CACNG7: variants seen among roughly 807,000 people sequenced by gnomAD.
CACNG7 encodes the protein voltage-dependent calcium channel gamma-7 subunit.
Under a neutral mutation model 26.3 loss-of-function variants are expected in CACNG7, and 9 were observed. The ratio of observed to expected loss-of-function variants is 0.34; its 90% CI spans 0.21 to 0.60. The LOEUF (loss-of-function observed/expected upper bound fraction) is 0.60, where lower values mean the gene tolerates loss of function less well. Ranked by LOEUF, CACNG7 falls within the 20% of genes least tolerant of loss-of-function variation. The pLI is 0.81. For synonymous variants in CACNG7, 170 were observed against 157.0 expected (o/e 1.08, Z -0.62); for missense variants, 297 against 380.4 (o/e 0.78, Z 1.82).
chr19:53,925,075 T>C (rs1469546961), intron 4 of CACNG7, among the ~76,000 whole-genome samples: 5 of 101,938 alleles, frequency 4.9e-5, no homozygotes, highest in Admixed American at 8.9e-5. Context: ...ATTGGTGGAG[T>C]TGCCCCAGGT....
intron 4 of CACNG7, among the ~76,000 whole-genome samples, chr19:53,919,845 G>T (rs1215306954): frequency 7.3e-6 from 1 of 136,878 alleles, no homozygotes; most frequent in Non-Finnish European, 1.6e-5. Context: ...TGGTGGAGTT[G>T]CCCCAGGCTG....
chr19:53,921,683 G>C (rs1400975942), intron 4 of CACNG7, among the ~76,000 whole-genome samples: 2 of 115,894 alleles, frequency 1.7e-5, no homozygotes, highest in Non-Finnish European at 3.4e-5. Context: ...GTCATTGGTG[G>C]ACTTGCCCCA....
chr19:53,942,330 T>G lies in CACNG7; in HGVS notation c.*37T>G, dbSNP rs994189194. On this transcript the variant is annotated 3_prime_UTR_variant, in exon 6 of 6. Coordinates refer to ENST00000391767, the MANE Select transcript of CACNG7 (RefSeq NM_031896.5). The surrounding 1 kb of genome is among the most constrained non-coding windows in gnomAD (Gnocchi z 5.9). ...CGGAGCTCCCCCTGCCTCCTCCTCC[T>G]CCTCGTCTTAGGGGGGTCTCCCTGC... The G allele has an allele frequency of 1.6e-5, 24 of 1,483,236 alleles. No individual in the cohort carries two copies. Among genetic ancestry groups the G allele is most frequent in the Non-Finnish European group, 2.1e-5 (24 of 1,122,928 alleles). 91.9% of individuals were successfully genotyped at this position (1,483,236 alleles called of 1,614,324 possible). A position where few individuals can be genotyped will look rare whatever the true frequency, so the allele number is the denominator to read the frequency against.
intron 4 of CACNG7, among the ~76,000 whole-genome samples, chr19:53,919,909 T>C (rs1599972445): frequency 1.8e-5 from 2 of 114,182 alleles, no homozygotes; most frequent in Non-Finnish European, 3.5e-5. Context: ...CCCAGGCTGG[T>C]CATTGGTGGA....
At position 53,942,371 on chromosome 19, in the gene CACNG7, TC is replaced by T; in HGVS notation, c.*80del. 1 of 1,538,060 alleles carries T rather than the reference TC, an allele frequency of 6.5e-7. No individual in the cohort carries two copies. Among genetic ancestry groups the T allele is most frequent in the Non-Finnish European group, 8.7e-7 (1 of 1,143,222 alleles). On this transcript the variant is annotated 3_prime_UTR_variant, in exon 6 of 6. Transcript: ENST00000391767. The surrounding 1 kb of genome is among the most constrained non-coding windows in gnomAD (Gnocchi z 5.9). The stretch of plus-strand genomic sequence containing the variant: ...GTCTCCCTGCAATGCAGCGCCCCCT[TC>T]CGTCCTCGGGACTCCTCGCTCCCAC...
At chr19:53,921,050 GC>G (rs200130126) in intron 4 of CACNG7, among the ~76,000 whole-genome samples, 10 of 86,874 alleles carry the variant, frequency 1.2e-4, no homozygotes, top group Non-Finnish European at 1.9e-4. Context: ...GTTGCCCCAG[GC>G]CTGGTCATTG....
intron 4 of CACNG7, among the ~76,000 whole-genome samples, chr19:53,926,459 ACT>A (rs1438877199): frequency 1.3e-5 from 2 of 151,858 alleles, no homozygotes; most frequent in African/African-American, 4.8e-5. Context: ...GAAGCCTCAA[ACT>A]TTTTCTCTTC....
chr19:53,914,281 AAAAAAAG>A (rs1163345220), intron 2 of CACNG7, among the ~76,000 whole-genome samples: 1 of 137,946 alleles, frequency 7.2e-6, no homozygotes. Flanking sequence ...CTCAAAAAAA[AAAAAAAG>A]AAAAAAAGAA....
intron 4 of CACNG7, among the ~76,000 whole-genome samples, chr19:53,917,572 G>A (rs2068906653): frequency 6.6e-6 from 1 of 152,122 alleles, no homozygotes; most frequent in Non-Finnish European, 1.5e-5. Flanking sequence ...GGAAAGCAGG[G>A]TGCAACCTCC....
intron 2 of CACNG7, 96 bp downstream of exon 2, chr19:53,913,123 A>G: frequency 9.0e-7 from 1 of 1,109,432 alleles, no homozygotes; most frequent in Non-Finnish European, 1.3e-6. Context: ...CCAGAAATCC[A>G]GAAACGGATC....
chr19:53,913,176 G>T, intron 2 of CACNG7, 149 bp downstream of exon 2: 1 of 700,634 alleles, frequency 1.4e-6, no homozygotes, highest in East Asian at 2.8e-5. Flanking sequence ...TGGAGCCCCA[G>T]TGACTAGCCC....
intron 4 of CACNG7, among the ~76,000 whole-genome samples, chr19:53,920,827 G>C (rs1441379130): frequency 2.9e-3 from 191 of 65,676 alleles, no homozygotes; most frequent in African/African-American, 9.1e-3. Context: ...CATTGGTGGA[G>C]TTGTCCCCAG....
In CACNG7 at chr19:53,942,185, C is replaced by T. The variant is rs771425436; in HGVS notation, c.720C>T (p.Gly240=). Residue 240 remains glycine, a synonymous_variant, in exon 6 of 6, where the codon GGC becomes GGT. Transcript: ENST00000391767. This position sits in a 1 kb window ranked among gnomAD's most constrained non-coding sequence, Gnocchi z 5.9. ...TGCAGCCCGAGGCGTGGCGCCGCGG[C>T]CGGAGCCCCTCCGACATCTCCAGCG... ...QFLQPEAWRR[G]RSPSDISSDV... 9.9e-6 allele frequency: 16 copies of T among 1,613,944 alleles called. No individual in the cohort carries two copies. Among genetic ancestry groups the T allele is most frequent in the Non-Finnish European group, 1.3e-5 (15 of 1,179,968 alleles).
chr19:53,921,856 G>GC lies in CACNG7; in HGVS notation c.424+6352dup, dbSNP rs1555810649. On this transcript the variant is annotated intron_variant, in intron 4 of 5. Transcript: ENST00000391767. ...CTGGTCATTGGTGGAGTTGTCCCAGGCTGGTCATTGGTGGAGTTGTCCCAG... is the reference window on the plus strand; with the variant it reads ...CTGGTCATTGGTGGAGTTGTCCCAGGCCTGGTCATTGGTGGAGTTGTCCCAG... Among the ~76,000 whole-genome samples the GC allele has an allele frequency of 8.6e-5, 6 of 69,844 alleles. 1 individual carries two copies. The highest frequency in any genetic ancestry group is 7.6e-4 in the African/African-American group (5 of 6,614). The allele number at this position is 69,844 out of a possible 152,430, so 45.8% of individuals were successfully genotyped here.
chr19:53,935,120 AAAT>A (rs1343647388), intron 4 of CACNG7, among the ~76,000 whole-genome samples: 1 of 152,094 alleles, frequency 6.6e-6, no homozygotes, highest in Non-Finnish European at 1.5e-5. Flanking sequence ...TGTGCACAAA[AAAT>A]ATATATGTAC....
intron 4 of CACNG7, among the ~76,000 whole-genome samples, chr19:53,933,339 C>CG (rs2069085795): frequency 7.3e-6 from 1 of 137,530 alleles, no homozygotes; most frequent in Non-Finnish European, 1.5e-5. Context: ...CTCGCTCTGT[C>CG]ACCAGGCTGG....
chr19:53,925,657 G>A (rs1276486774), intron 4 of CACNG7, among the ~76,000 whole-genome samples: 1 of 152,218 alleles, frequency 6.6e-6, no homozygotes, highest in Non-Finnish European at 1.5e-5. Context: ...GGAGAAACCA[G>A]TGGAAGGGCT....
intron 4 of CACNG7, among the ~76,000 whole-genome samples, chr19:53,927,436 G>A (rs1372261751): frequency 6.6e-6 from 1 of 152,144 alleles, no homozygotes; most frequent in Non-Finnish European, 1.5e-5. Flanking sequence ...CCAGGAAAAG[G>A]TGACAGCTAA....
rs758276459 is a variant in CACNG7 at position 53,940,325 on chromosome 19, T to C, written c.425-1145T>C. Among the ~76,000 whole-genome samples the C allele has an allele frequency of 3.9e-5, 6 of 152,150 alleles. No homozygotes were observed. The highest frequency in any genetic ancestry group is 8.8e-5 in the Non-Finnish European group (6 of 68,032). ...TGAAGTTTGAATGAATGTATATATA[T>C]ACACAACACCAAGAACAGTGCCTGG... On this transcript the variant is annotated intron_variant, in intron 4 of 5. Coordinates refer to ENST00000391767, the MANE Select transcript of CACNG7 (RefSeq NM_031896.5). The surrounding 1 kb of genome is among the most constrained non-coding windows in gnomAD (Gnocchi z 4.1).
Sources: allele counts gnomAD v4.1 joint callset (sites outside exome capture counted in the v4.1 genomes callset), GRCh38; gene constraint gnomAD v4.1.1; non-coding constraint Gnocchi (gnomAD v3.1); transcripts MANE v1.5; gene names NCBI Gene and HGNC (gene_info 2026-07-23, HGNC 2026-07-21).